The following EPHA3 variants were observed in gnomAD, a reference collection of about 807,000 sequenced individuals.
EPHA3 encodes the protein ephrin type-A receptor 3.
In EPHA3, 42 loss-of-function variants were observed where a neutral mutation model predicts 107.1. That is an observed-to-expected ratio of 0.39 (90% CI 0.31 to 0.51). The LOEUF (loss-of-function observed/expected upper bound fraction) is 0.51. Among genes scored for constraint, EPHA3 ranks in the 20% least tolerant of loss-of-function variants. The pLI, the probability that EPHA3 is intolerant of heterozygous loss-of-function variation, is 0.78. For synonymous variants in EPHA3, 461 were observed against 424.8 expected (o/e 1.09, Z -1.05); for missense variants, 1,183 against 1,211.2 (o/e 0.98, Z 0.35).
chr3:89,126,242 A>T (rs1444208842), intron 1 of EPHA3, among the ~76,000 whole-genome samples: 1 of 151,752 alleles, frequency 6.6e-6, no homozygotes, highest in Admixed American at 6.6e-5. Context: ...CACATCCTCC[A>T]TTAGTCAATC....
At chr3:89,180,275 G>A (rs1355789178) in intron 2 of EPHA3, among the ~76,000 whole-genome samples, 1 of 151,326 alleles carries the variant, frequency 6.6e-6, no homozygotes, top group African/African-American at 2.4e-5. Context: ...GAAATATTTA[G>A]GCATTGTCCT....
intron 3 of EPHA3, among the ~76,000 whole-genome samples, chr3:89,283,017 T>C (rs1249376796): frequency 6.6e-6 from 1 of 152,110 alleles, no homozygotes; most frequent in African/African-American, 2.4e-5. Flanking sequence ...TTCTGTACTT[T>C]ATTTGATACA....
intron 13 of EPHA3, among the ~76,000 whole-genome samples, chr3:89,445,264 A>G (rs1303394954): frequency 6.6e-6 from 1 of 152,146 alleles, no homozygotes; most frequent in Non-Finnish European, 1.5e-5. Flanking sequence ...TATGGACTTC[A>G]ACACTAAAAT....
At chr3:89,359,689 A>G (rs1242149426) in intron 5 of EPHA3, among the ~76,000 whole-genome samples, 14 of 139,078 alleles carry the variant, frequency 1.0e-4, no homozygotes, top group South Asian at 4.7e-4. Context: ...GTGTGTGTGT[A>G]TATACGTTAT....
At chr3:89,316,526 A>G (rs1706910773) in intron 3 of EPHA3, among the ~76,000 whole-genome samples, 1 of 143,938 alleles carries the variant, frequency 6.9e-6, no homozygotes, top group South Asian at 2.2e-4. Flanking sequence ...ATATATATAT[A>G]TATATATATA....
At chr3:89,200,440 T>C (rs1705943283) in intron 2 of EPHA3, among the ~76,000 whole-genome samples, 1 of 152,140 alleles carries the variant, frequency 6.6e-6, no homozygotes, top group Admixed American at 6.5e-5. Flanking sequence ...AAATGTTCAG[T>C]ATATAATTGT....
intron 2 of EPHA3, among the ~76,000 whole-genome samples, chr3:89,132,887 C>T (rs1704235203): frequency 6.6e-6 from 1 of 152,086 alleles, no homozygotes. Flanking sequence ...CAGACTCTGT[C>T]TCTCAAAAAG....
At chr3:89,476,801 G>T (rs1459220866) in intron 16 of EPHA3, among the ~76,000 whole-genome samples, 2 of 151,430 alleles carry the variant, frequency 1.3e-5, no homozygotes, top group Non-Finnish European at 2.9e-5. Flanking sequence ...ATAGAGACGG[G>T]GTATCACCGC....
chr3:89,353,025 G>A lies in EPHA3; in HGVS notation c.1306+10935G>A, dbSNP rs557009021. Among the ~76,000 whole-genome samples the A allele has an allele frequency of 6.0e-5, 9 of 150,476 alleles. 2 individuals are homozygous for A. The East Asian group carries it at 1.2e-3, about 19-fold the overall frequency. On this transcript the variant is annotated intron_variant, in intron 5 of 16. Coordinates refer to ENST00000336596, the MANE Select transcript of EPHA3 (RefSeq NM_005233.6). The stretch of plus-strand genomic sequence containing the variant: ...TTCATTCTGGAATATGTTTCCTCTA[G>A]CCACCTTATTTTTCTTTTGGAACTT...
chr3:89,415,406 T>C (rs1709226671), intron 10 of EPHA3, among the ~76,000 whole-genome samples: 1 of 147,702 alleles, frequency 6.8e-6, no homozygotes, highest in African/African-American at 2.5e-5. Flanking sequence ...CTTCCATTGT[T>C]AGAAAGGCAA....
At chr3:89,268,043 T>A (rs1705580080) in intron 3 of EPHA3, among the ~76,000 whole-genome samples, 1 of 152,154 alleles carries the variant, frequency 6.6e-6, no homozygotes, top group Admixed American at 6.6e-5. Flanking sequence ...ATGCAAAAGA[T>A]AACGTGCAGT....
chr3:89,215,852 C>T (rs908540339), intron 3 of EPHA3, among the ~76,000 whole-genome samples: 4 of 151,822 alleles, frequency 2.6e-5, no homozygotes, highest in African/African-American at 9.7e-5. Context: ...TTTAAATAGG[C>T]ATTTCACTCT....
chr3:89,335,125 G>A (rs147221885), intron 3 of EPHA3, among the ~76,000 whole-genome samples: 112 of 151,918 alleles, frequency 7.4e-4, no homozygotes, highest in Non-Finnish European at 9.4e-4. Context: ...CATTTCTTTG[G>A]GCTGCTATAT....
At chr3:89,270,186 C>T (rs1174600686) in intron 3 of EPHA3, among the ~76,000 whole-genome samples, 1 of 152,014 alleles carries the variant, frequency 6.6e-6, no homozygotes, top group Admixed American at 6.6e-5. Flanking sequence ...TTAAGGCATT[C>T]TGCATGGTAC....
chr3:89,444,591 G>A (rs1338207251), intron 13 of EPHA3, among the ~76,000 whole-genome samples: 1 of 151,926 alleles, frequency 6.6e-6, no homozygotes, highest in Non-Finnish European at 1.5e-5. Flanking sequence ...TAATAAATTT[G>A]TTATATTGAC....
intron 11 of EPHA3, among the ~76,000 whole-genome samples, chr3:89,421,475 CAG>C (rs552576588): frequency 9.8e-4 from 148 of 150,922 alleles, no homozygotes; most frequent in Middle Eastern, 3.6e-3. Flanking sequence ...TTCTATCACC[CAG>C]AGAGTGATGA....
chr3:89,335,711 T>G (rs1707377717), intron 3 of EPHA3, among the ~76,000 whole-genome samples: 1 of 152,192 alleles, frequency 6.6e-6, no homozygotes, highest in African/African-American at 2.4e-5. Context: ...TTTAAAAATC[T>G]TCTTACAAAA....
At chr3:89,206,716 C>A (rs1200631359) in intron 2 of EPHA3, among the ~76,000 whole-genome samples, 1 of 152,068 alleles carries the variant, frequency 6.6e-6, no homozygotes, top group Middle Eastern at 3.2e-3. Context: ...ATTATAGGCA[C>A]CTCAATGTAA....
In EPHA3 at chr3:89,262,963, CTTTTTTTTTTTTTT is replaced by C. The variant is rs532365863; in HGVS notation, c.814+52457_814+52470del. Among the ~76,000 whole-genome samples, 18 of 97,474 alleles carry C rather than the reference CTTTTTTTTTTTTTT, an allele frequency of 1.8e-4. No homozygotes were observed. The South Asian group carries it at 4.7e-3, about 25-fold the overall frequency. The allele number at this position is 97,474 out of a possible 152,430, so 63.9% of individuals were successfully genotyped here. A position where few individuals can be genotyped will look rare whatever the true frequency, so the allele number is the denominator to read the frequency against. On this transcript the variant is annotated intron_variant, in intron 3 of 16. Transcript: ENST00000336596. ...GTCCCCGAGGGCATGTTACAGCGCT[CTTTTTTTTTTTTTT>C]TTTTTTTTTTTTTAATTATACTTTA... is the stretch of plus-strand genomic sequence containing the variant.
Sources: allele counts gnomAD v4.1 joint callset (sites outside exome capture counted in the v4.1 genomes callset), GRCh38; gene constraint gnomAD v4.1.1; transcripts MANE v1.5; gene names NCBI Gene and HGNC (gene_info 2026-07-23, HGNC 2026-07-21).